The following FRMD6 variants were observed in gnomAD, a reference collection of about 807,000 sequenced individuals.
The protein encoded by FRMD6 is FERM domain-containing protein 6.
In FRMD6, 37 loss-of-function variants were observed where a neutral mutation model predicts 73.2. The observed-to-expected ratio is 0.51, with a 90% CI of 0.39 to 0.66. The LOEUF is 0.66. FRMD6 is among the 30% of genes least tolerant of loss of function. The pLI is 0.00. For synonymous variants in FRMD6, 273 were observed against 282.2 expected (o/e 0.97, Z 0.33); for missense variants, 714 against 780.5 (o/e 0.91, Z 1.02).
At chr14:51,445,558 G>C in the FRMD6 span, among the ~76,000 whole-genome samples, 211 of 151,790 alleles carry the variant, frequency 1.4e-3, 2 homozygotes, top group South Asian at 1.9e-3. Flanking sequence ...CAAACCGCCT[G>C]GCTTTGCAGT....
the FRMD6 span, among the ~76,000 whole-genome samples, chr14:51,463,825 G>A: frequency 6.6e-6 from 1 of 152,076 alleles, no homozygotes; most frequent in African/African-American, 2.4e-5. Flanking sequence ...CTGTTTTTGG[G>A]GGTGATGGAG....
At chr14:51,584,203 T>G (rs1023702488) in intron 2 of FRMD6, 1 of 152,210 alleles carries the variant, frequency 6.6e-6, no homozygotes, top group African/African-American at 2.4e-5. Context: ...ACTCTTCTGA[T>G]TCATCATTTA....
At chr14:51,494,707 C>A (rs1195646870) in intron 1 of FRMD6, among the ~76,000 whole-genome samples, 1 of 152,196 alleles carries the variant, frequency 6.6e-6, no homozygotes, top group Non-Finnish European at 1.5e-5. Flanking sequence ...TTTTGGTGCC[C>A]TAATGGTAGT....
the FRMD6 span, among the ~76,000 whole-genome samples, chr14:51,427,624 T>A: frequency 6.6e-6 from 1 of 152,194 alleles, no homozygotes; most frequent in Non-Finnish European, 1.5e-5. Context: ...GTTGCAGAAT[T>A]AGGATTTTTA....
At chr14:51,599,482 A>T (rs1465061778) in intron 2 of FRMD6, among the ~76,000 whole-genome samples, 1 of 152,206 alleles carries the variant, frequency 6.6e-6, no homozygotes, top group African/African-American at 2.4e-5. Flanking sequence ...AAAAACAAAA[A>T]TTGGCAAATA....
intron 6 of FRMD6, among the ~76,000 whole-genome samples, chr14:51,706,440 T>C (rs985547209): frequency 6.6e-6 from 1 of 152,072 alleles, no homozygotes; most frequent in Admixed American, 6.5e-5. Flanking sequence ...CAGGCTCCCA[T>C]GCATAACCTA....
intron 2 of FRMD6, among the ~76,000 whole-genome samples, chr14:51,644,493 G>C (rs1594646075): frequency 6.6e-6 from 1 of 152,094 alleles, no homozygotes; most frequent in East Asian, 1.9e-4. Context: ...AGATGAATGG[G>C]GCCATAGCAG....
intron 2 of FRMD6, among the ~76,000 whole-genome samples, chr14:51,571,338 T>C (rs921431997): frequency 3.9e-5 from 6 of 152,148 alleles, no homozygotes; most frequent in African/African-American, 9.7e-5. Context: ...TCTGAAGCCA[T>C]TGGCAAAGGA....
At chr14:51,676,265 A>C (rs1894385767) in intron 1 of FRMD6, among the ~76,000 whole-genome samples, 1 of 152,138 alleles carries the variant, frequency 6.6e-6, no homozygotes, top group Non-Finnish European at 1.5e-5. Context: ...TACAGTGATA[A>C]ATTTTTCATT....
At chr14:51,614,728 A>G (rs17588658) in intron 2 of FRMD6, among the ~76,000 whole-genome samples, 1,635 of 152,340 alleles carry the variant, frequency 0.011, 11 homozygotes, top group Middle Eastern at 0.02. Context: ...TAGAAGCAGC[A>G]TCATGTTATA....
chr14:51,420,932 C>A, the FRMD6 span, among the ~76,000 whole-genome samples: 1 of 152,140 alleles, frequency 6.6e-6, no homozygotes, highest in Non-Finnish European at 1.5e-5. Context: ...CCCCACCACA[C>A]CTAGCTAATT....
At chr14:51,427,271 G>C in the FRMD6 span, among the ~76,000 whole-genome samples, 4 of 152,214 alleles carry the variant, frequency 2.6e-5, no homozygotes, top group African/African-American at 9.6e-5. Context: ...ACCTGTTACT[G>C]TTGTCTGCCA....
At chr14:51,665,819 A>T (rs1461216872) in intron 1 of FRMD6, among the ~76,000 whole-genome samples, 1 of 152,170 alleles carries the variant, frequency 6.6e-6, no homozygotes, top group East Asian at 1.9e-4. Context: ...TAAGTCTCAC[A>T]AGATCTAGTG....
At chr14:51,402,863 C>A in the FRMD6 span, among the ~76,000 whole-genome samples, 8 of 152,256 alleles carry the variant, frequency 5.3e-5, no homozygotes, top group African/African-American at 1.9e-4. Context: ...TGGTCTCGAT[C>A]TCCTAACCTC....
intron 10 of FRMD6, among the ~76,000 whole-genome samples, chr14:51,717,998 C>A (rs1897328586): frequency 6.6e-6 from 1 of 152,216 alleles, no homozygotes; most frequent in Non-Finnish European, 1.5e-5. Context: ...TGAAAAACCT[C>A]ATTGTCTCTG....
At position 51,729,850 on chromosome 14, in the gene FRMD6, A is replaced by G. The variant is rs974593301; in HGVS notation, c.*1821A>G. 7.9e-5 allele frequency: 12 copies of G among 152,690 alleles called. No individual in the cohort carries two copies. The highest frequency in any genetic ancestry group is 2.7e-4 in the African/African-American group (11 of 41,476). The allele number at this position is 152,690 out of a possible 1,614,324, so 9.5% of individuals were successfully genotyped here. A position where few individuals can be genotyped will look rare whatever the true frequency, so the allele number is the denominator to read the frequency against. On this transcript the variant is annotated 3_prime_UTR_variant, in exon 14 of 14. Transcript: ENST00000344768. ...ACACTTTAAAAGGAAAAAAAGTTCC[A>G]TAGAGTTCTGTGGTCACAAAATTGT...
intron 1 of FRMD6, among the ~76,000 whole-genome samples, chr14:51,512,543 T>C (rs1409501409): frequency 6.6e-6 from 1 of 152,098 alleles, no homozygotes. Context: ...CCTCAGCAAC[T>C]CCTTGCCCTT....
intron 1 of FRMD6, among the ~76,000 whole-genome samples, chr14:51,569,719 C>T (rs990948880): frequency 6.6e-6 from 1 of 151,644 alleles, no homozygotes; most frequent in South Asian, 2.1e-4. Flanking sequence ...CCAGGCTACT[C>T]TCAAACTCCT....
the FRMD6 span, among the ~76,000 whole-genome samples, chr14:51,463,317 C>T: frequency 6.6e-6 from 1 of 152,188 alleles, no homozygotes; most frequent in African/African-American, 2.4e-5. Flanking sequence ...TTGCATATTA[C>T]CTATGCACAT....
Sources: gnomAD v4.1 joint callset for allele counts (sites outside exome capture counted in the v4.1 genomes callset) on GRCh38, gnomAD v4.1.1 for gene constraint, MANE v1.5 for transcripts, NCBI Gene and HGNC (gene_info 2026-07-23, HGNC 2026-07-21) for gene names.